CUX1: variants seen among roughly 807,000 people sequenced by gnomAD.
The protein encoded by CUX1 is cut like homeobox 1, also known as protein CASP.
A neutral mutation model predicts 158.8 loss-of-function variants in CUX1; 31 were observed. That is an observed-to-expected ratio of 0.20 (90% CI 0.15 to 0.26). CUX1 has a LOEUF of 0.26. Among genes scored for constraint, CUX1 ranks in the 10% least tolerant of loss-of-function variants. The pLI is 1.00. For missense variants in CUX1, 1,589 were observed against 2,014.6 expected (o/e 0.79, Z 4.04); for synonymous variants, 879 against 862.1 (o/e 1.02, Z -0.34).
intron 12 of CUX1, among the ~76,000 whole-genome samples, chr7:102,193,553 C>T (rs907117809): frequency 6.6e-6 from 1 of 152,188 alleles, no homozygotes; most frequent in Non-Finnish European, 1.5e-5. Context: ...GCCTGTAATA[C>T]CAACACTTTG....
chr7:101,862,489 T>C (rs1184422317), intron 1 of CUX1, among the ~76,000 whole-genome samples: 7 of 152,068 alleles, frequency 4.6e-5, no homozygotes, highest in Non-Finnish European at 1.0e-4. Flanking sequence ...ATGTGATCCT[T>C]TCCATAAGTC....
rs781843485 is a variant in CUX1 at position 102,178,639 on chromosome 7, CA to C, written c.1004del (p.Asn335ThrfsTer20). ...ISQLEQQLSA[K>X]NSTLKQLEEK... ...CACAGCTTGAGCAGCAGCTGAGCGC[CA>C]AAAACAGCACACTCAAAGTAAGGGG... On this transcript the variant is annotated frameshift_variant, in exon 11 of 24. Coordinates refer to ENST00000292535, the MANE Select transcript of CUX1 (RefSeq NM_181552.4). LOFTEE classifies it high-confidence loss of function. The C allele has an allele frequency of 2.5e-6, 4 of 1,609,450 alleles. No homozygotes were observed. The highest frequency in any genetic ancestry group is 1.1e-5 in the South Asian group (1 of 90,378).
At chr7:102,188,215 AG>A (rs1215821684) in intron 11 of CUX1, among the ~76,000 whole-genome samples, 1 of 141,174 alleles carries the variant, frequency 7.1e-6, no homozygotes, top group African/African-American at 2.6e-5. Context: ...AAAAAAAAAA[AG>A]AAGAAGAAGA....
chr7:102,056,149 G>A (rs1312773115), intron 3 of CUX1, among the ~76,000 whole-genome samples: 1 of 152,194 alleles, frequency 6.6e-6, no homozygotes, highest in East Asian at 1.9e-4. Flanking sequence ...TAATACAAAA[G>A]TGCAAAGTAA....
intron 9 of CUX1, among the ~76,000 whole-genome samples, chr7:102,169,747 T>C (rs78240125): frequency 6.6e-6 from 1 of 152,092 alleles, no homozygotes; most frequent in Non-Finnish European, 1.5e-5. Flanking sequence ...TGGGGGTGGT[T>C]GTTTCCTTGT....
At chr7:102,244,413 TATCTC>T (rs1270304842) in intron 23 of CUX1, among the ~76,000 whole-genome samples, 2 of 152,036 alleles carry the variant, frequency 1.3e-5, no homozygotes, top group African/African-American at 4.8e-5. Flanking sequence ...CAATTAAAAA[TATCTC>T]AGGCTGGGCC....
intron 1 of CUX1, among the ~76,000 whole-genome samples, chr7:101,864,396 A>G (rs747516304): frequency 3.9e-5 from 6 of 152,030 alleles, no homozygotes; most frequent in Non-Finnish European, 5.9e-5. Flanking sequence ...TCCTGAGCTC[A>G]AGCGATCCTG....
intron 6 of CUX1, among the ~76,000 whole-genome samples, chr7:102,107,237 A>G (rs902496474): frequency 5.4e-5 from 8 of 149,498 alleles, no homozygotes; most frequent in African/African-American, 2.0e-4. Flanking sequence ...TTGTCTCAAA[A>G]AAGAAAAGAA....
chr7:102,170,793 G>A (rs1791626472), intron 10 of CUX1, among the ~76,000 whole-genome samples: 1 of 151,928 alleles, frequency 6.6e-6, no homozygotes, highest in Non-Finnish European at 1.5e-5. Context: ...CAGGGCCAAG[G>A]TGGAGGCTAC....
At chr7:102,181,825 T>C (rs989702877) in intron 11 of CUX1, among the ~76,000 whole-genome samples, 2 of 152,222 alleles carry the variant, frequency 1.3e-5, no homozygotes, top group African/African-American at 2.4e-5. Flanking sequence ...GAATGAGATA[T>C]GTTCTGAGGG....
intron 3 of CUX1, among the ~76,000 whole-genome samples, chr7:102,055,980 AG>A (rs1246506771): frequency 6.6e-6 from 1 of 152,230 alleles, no homozygotes; most frequent in Non-Finnish European, 1.5e-5. Context: ...CATTCTCTTA[AG>A]CCAAAGTCTA....
chr7:101,994,453 T>C (rs2129252837), intron 2 of CUX1, among the ~76,000 whole-genome samples: 1 of 152,050 alleles, frequency 6.6e-6, no homozygotes, highest in South Asian at 2.1e-4. Flanking sequence ...ATACAAAAAT[T>C]AGCCAGGTGT....
rs570698385 is a variant in CUX1, at chr7:102,137,043, C to A, written c.675-21517C>A. ...ATTTGGGGAGCACGGGACTGCATTA[C>A]CTACAAGTAGTGAACGTGCACCCTG... is the stretch of plus-strand genomic sequence containing the variant. On this transcript the variant is annotated intron_variant, in intron 8 of 23. Transcript: ENST00000292535. Among the ~76,000 whole-genome samples the A allele has an allele frequency of 2.6e-5, 4 of 152,298 alleles. No homozygotes were observed. In the East Asian group the frequency reaches 5.8e-4, roughly 22 times the overall value.
At chr7:101,865,649 A>G (rs1392263345) in intron 1 of CUX1, among the ~76,000 whole-genome samples, 1 of 152,218 alleles carries the variant, frequency 6.6e-6, no homozygotes, top group African/African-American at 2.4e-5. Context: ...CGCAGTTGGT[A>G]GGCTCAGGAT....
chr7:101,981,563 C>T (rs1813445804), intron 2 of CUX1, among the ~76,000 whole-genome samples: 1 of 152,082 alleles, frequency 6.6e-6, no homozygotes, highest in Non-Finnish European at 1.5e-5. Context: ...CCAGGCATTC[C>T]CCAGTGGTGT....
At chr7:102,105,010 A>G (rs1830183129) in intron 6 of CUX1, among the ~76,000 whole-genome samples, 1 of 152,196 alleles carries the variant, frequency 6.6e-6, no homozygotes, top group Admixed American at 6.5e-5. Flanking sequence ...GTGCAGGTGC[A>G]GAGGTGAAGC....
intron 2 of CUX1, among the ~76,000 whole-genome samples, chr7:102,001,219 GAGCATTCTTGGGGATTGCCAGT>G (rs2129275086): frequency 6.6e-6 from 1 of 152,212 alleles, no homozygotes; most frequent in Non-Finnish European, 1.5e-5. Flanking sequence ...GGCCTGCCAG[GAGCATTCTTGGGGATTGCCAGT>G]AGCCCCAGTT....
chr7:101,968,106 C>T (rs1811456422), intron 2 of CUX1, among the ~76,000 whole-genome samples: 1 of 152,100 alleles, frequency 6.6e-6, no homozygotes, highest in Non-Finnish European at 1.5e-5. Flanking sequence ...GGTCTCCCTG[C>T]ATTGCCCAGG....
Position 102,273,136 on chromosome 7 carries a change from G to C in CUX1, c.1256-230G>C, listed in dbSNP as rs140335496. On this transcript the variant is annotated intron_variant, in intron 14 of 22. Coordinates refer to the CUX1 transcript ENST00000292538. The stretch of plus-strand genomic sequence containing the variant: ...ACCCAGGGGATTTCATCAATCCAGA[G>C]AGTGCTTGGGGCCAGGAGTGCCTCT... Among the ~76,000 whole-genome samples the C allele has an allele frequency of 4.0e-3, 612 of 152,362 alleles. 5 individuals carry two copies. The highest frequency in any genetic ancestry group is 0.013 in the South Asian group (63 of 4,832).
Sources: allele counts gnomAD v4.1 joint callset (sites outside exome capture counted in the v4.1 genomes callset), GRCh38; gene constraint gnomAD v4.1.1; transcripts MANE v1.5; gene names NCBI Gene and HGNC (gene_info 2026-07-23, HGNC 2026-07-21).